COL6A6: variants seen among roughly 807,000 people sequenced by gnomAD.
COL6A6 encodes collagen type VI alpha 6 chain, also known as collagen alpha-6(VI) chain.
In COL6A6, 183 loss-of-function variants were observed where a neutral mutation model predicts 208.6. That is an observed-to-expected ratio of 0.88 (90% CI 0.78 to 0.99). The LOEUF (loss-of-function observed/expected upper bound fraction) is 0.99. COL6A6 is among the 50% of genes least tolerant of loss of function. The pLI is 0.00. For synonymous variants in COL6A6, 973 were observed against 1,011.8 expected (o/e 0.96, Z 0.73); for missense variants, 2,816 against 2,815.2 (o/e 1.00, Z -0.01).
At chr3:130,550,315 T>C (rs928737910) in intron 1 of COL6A6, among the ~76,000 whole-genome samples, 4 of 152,204 alleles carry the variant, frequency 2.6e-5, no homozygotes, top group Admixed American at 6.5e-5. Flanking sequence ...TGCCTGGTTG[T>C]TCTGGCCAGG....
intron 5 of COL6A6, among the ~76,000 whole-genome samples, chr3:130,567,523 A>T (rs1560001625): frequency 6.6e-6 from 1 of 152,204 alleles, no homozygotes; most frequent in African/African-American, 2.4e-5. Context: ...GCCAGGATAG[A>T]TATATGAGTG....
intron 8 of COL6A6, among the ~76,000 whole-genome samples, chr3:130,578,948 C>A (rs1328011898): frequency 6.6e-6 from 1 of 152,194 alleles, no homozygotes; most frequent in Admixed American, 6.5e-5. Context: ...ATGTCTACGC[C>A]TTGGGAAAGG....
At position 130,574,365 on chromosome 3, in the gene COL6A6, T is replaced by G. The variant is rs2063244087; in HGVS notation, c.3387T>G (p.Gly1129=). 1.2e-6 allele frequency: 2 copies of G among 1,613,800 alleles called. No individual in the cohort carries two copies. The highest frequency in any genetic ancestry group is 1.7e-6 in the Non-Finnish European group (2 of 1,179,888). Residue 1129 remains glycine (G), a synonymous_variant, in exon 8 of 37, where the codon GGT becomes GGG. Coordinates refer to ENST00000358511, the MANE Select transcript of COL6A6 (RefSeq NM_001102608.3). ...AQAAEALRHR[G]IDIYSVGIGD... is the part of the protein sequence containing the mutation. Reference sequence around the variant, plus strand: ...CCGCGGAAGCCCTGAGACACAGAGGTATCGACATCTACTCCGTGGGCATTG... The same window carrying G: ...CCGCGGAAGCCCTGAGACACAGAGGGATCGACATCTACTCCGTGGGCATTG...
rs1421712340 is a variant in COL6A6, at chr3:130,662,036, C to G, written c.6230C>G (p.Pro2077Arg). 6.2e-7 allele frequency: 1 copy of G among 1,613,938 alleles called. No individual in the cohort carries two copies. The highest frequency in any genetic ancestry group is 8.5e-7 in the Non-Finnish European group (1 of 1,179,878). ...WTLDNVFLST[P>R]NLRRNKVIFV... ...CTGGACAATGTATTTTTAAGTACAC[C>G]CAATCTGAGAAGAAACAAAGTCATA... Residue 2077 changes from proline (P) to arginine (R), a missense_variant, in exon 35 of 37, where the codon CCC becomes CGC. Coordinates refer to ENST00000358511, the MANE Select transcript of COL6A6 (RefSeq NM_001102608.3).
At chr3:130,647,391 T>C (rs911049283) in intron 32 of COL6A6, among the ~76,000 whole-genome samples, 2 of 152,222 alleles carry the variant, frequency 1.3e-5, no homozygotes, top group Non-Finnish European at 2.9e-5. Flanking sequence ...GTTGTTTCCA[T>C]GTGCAAATAA....
At chr3:130,581,026 A>C (rs2063406857) in intron 8 of COL6A6, among the ~76,000 whole-genome samples, 1 of 150,720 alleles carries the variant, frequency 6.6e-6, no homozygotes, top group African/African-American at 2.4e-5. Flanking sequence ...TCTTTTCTGC[A>C]TGGATGTTAG....
In COL6A6 at chr3:130,569,114, G is replaced by A. The variant is rs149618813; in HGVS notation, c.2401+510G>A. 9.6e-3 allele frequency among the ~76,000 whole-genome samples: 1,460 copies of A among 152,282 alleles called. 10 individuals are homozygous for A. Among genetic ancestry groups the A allele is most frequent in the Non-Finnish European group, 0.016 (1,067 of 68,020 alleles). ...CCTGTGTCACGTGGGCTACATGTGG[G>A]TTGCTGAGGCAGCCCTGGCATTTAT... On this transcript the variant is annotated intron_variant, in intron 6 of 36. Coordinates refer to ENST00000358511, the MANE Select transcript of COL6A6 (RefSeq NM_001102608.3).
chr3:130,674,840 G>A (rs977071989), intron 36 of COL6A6, among the ~76,000 whole-genome samples: 4 of 152,162 alleles, frequency 2.6e-5, no homozygotes, highest in African/African-American at 9.7e-5. Flanking sequence ...GATGTGCTGA[G>A]GGACTGTAAG....
At chr3:130,556,589 C>G (rs114061127) in intron 1 of COL6A6, among the ~76,000 whole-genome samples, 1 of 151,992 alleles carries the variant, frequency 6.6e-6, no homozygotes, top group African/African-American at 2.4e-5. Flanking sequence ...ATTGATCAGT[C>G]TGTTCTGAGA....
chr3:130,519,098 A>G (rs1277988968), intron 1 of COL6A6, among the ~76,000 whole-genome samples: 1 of 152,202 alleles, frequency 6.6e-6, no homozygotes, highest in African/African-American at 2.4e-5. Flanking sequence ...TGAATTTCAG[A>G]AAGTTTCAGT....
chr3:130,603,766 A>G (rs1263754410), intron 20 of COL6A6, among the ~76,000 whole-genome samples: 1 of 152,184 alleles, frequency 6.6e-6, no homozygotes, highest in Admixed American at 6.5e-5. Flanking sequence ...AATGCTTGCC[A>G]TTAAGACTTA....
At chr3:130,570,297 G>A (rs1037561594) in intron 6 of COL6A6, among the ~76,000 whole-genome samples, 3 of 152,144 alleles carry the variant, frequency 2.0e-5, no homozygotes, top group Non-Finnish European at 1.5e-5. Context: ...GTCAAAAAGT[G>A]AGGAAAAAGT....
At chr3:130,657,851 A>G (rs57908499) in intron 33 of COL6A6, among the ~76,000 whole-genome samples, 8,993 of 152,118 alleles carry the variant, frequency 0.059, 407 homozygotes, top group South Asian at 0.22. Context: ...AATCACAGGG[A>G]AAAACTAAAA....
chr3:130,584,288 A>T (rs1217982513), intron 10 of COL6A6, among the ~76,000 whole-genome samples: 1 of 152,148 alleles, frequency 6.6e-6, no homozygotes, highest in Non-Finnish European at 1.5e-5. Context: ...GACTCTTAAA[A>T]TTTTACATTT....
chr3:130,533,040 T>A (rs756079035), intron 1 of COL6A6, among the ~76,000 whole-genome samples: 3 of 152,126 alleles, frequency 2.0e-5, no homozygotes, highest in Non-Finnish European at 4.4e-5. Context: ...TCTTATGACC[T>A]AGCATTGAAA....
chr3:130,622,028 CA>C, intron 24 of COL6A6, 145 bp downstream of exon 24: 3 of 665,156 alleles, frequency 4.5e-6, no homozygotes, highest in Non-Finnish European at 7.8e-6. Flanking sequence ...AGAGAGCCAA[CA>C]ACCTCTAAGG....
intron 1 of COL6A6, among the ~76,000 whole-genome samples, chr3:130,528,308 G>A (rs1261959399): frequency 2.6e-5 from 4 of 152,160 alleles, no homozygotes. Context: ...TGATGGGTAT[G>A]CAGATCACCT....
rs1390621822 is a variant in COL6A6, at chr3:130,675,279, A to T, written c.6674A>T (p.Tyr2225Phe). The change falls in exon 37 of 37, where the codon TAT becomes TTT. Residue 2225 changes from tyrosine (Y) to phenylalanine (F), a missense_variant. By Grantham distance (22) the Tyr-to-Phe change is conservative (BLOSUM62 3). Transcript: ENST00000358511. Reference protein sequence around the residue: ...QKAKFFQDKKYLSRVARSGRD... With the variant: ...QKAKFFQDKKFLSRVARSGRD... ...GCAAAATTCTTTCAAGATAAAAAAT[A>T]TCTTTCAAGAGTAGCAAGAAGTGGC... 7 of 1,586,216 alleles carry T rather than the reference A, an allele frequency of 4.4e-6. No individual in the cohort carries two copies. Among genetic ancestry groups the T allele is most frequent in the Non-Finnish European group, 6.0e-6 (7 of 1,164,966 alleles).
intron 33 of COL6A6, among the ~76,000 whole-genome samples, chr3:130,657,486 C>G (rs2065824623): frequency 3.9e-5 from 6 of 152,344 alleles, no homozygotes; most frequent in Admixed American, 3.3e-4. Context: ...CGGGCTTTGC[C>G]TCATTTGAAC....
Sources: gnomAD v4.1 joint callset for allele counts (sites outside exome capture counted in the v4.1 genomes callset) on GRCh38, gnomAD v4.1.1 for gene constraint, MANE v1.5 for transcripts, NCBI Gene and HGNC (gene_info 2026-07-23, HGNC 2026-07-21) for gene names.